AGBL1: variants seen among roughly 807,000 people sequenced by gnomAD.
The protein encoded by AGBL1 is cytosolic carboxypeptidase 4.
Under a neutral mutation model 118.9 loss-of-function variants are expected in AGBL1, and 130 were observed. The observed-to-expected ratio is 1.09, with a 90% CI of 0.95 to 1.26. The LOEUF (loss-of-function observed/expected upper bound fraction) is 1.26, where lower values mean the gene tolerates loss of function less well. AGBL1 is among the 50% of genes most tolerant of loss of function. The pLI is 0.00. For missense variants in AGBL1, 1,584 were observed against 1,298.1 expected (o/e 1.22, Z -3.38); for synonymous variants, 555 against 478.9 (o/e 1.16, Z -2.08).
chr15:86,384,724 T>A (rs981137379), intron 17 of AGBL1, among the ~76,000 whole-genome samples: 1 of 152,170 alleles, frequency 6.6e-6, no homozygotes, highest in African/African-American at 2.4e-5. Flanking sequence ...AGGAATAGAT[T>A]TGCTGATTTT....
At chr15:86,333,236 T>C (rs967571001) in intron 17 of AGBL1, among the ~76,000 whole-genome samples, 1 of 152,154 alleles carries the variant, frequency 6.6e-6, no homozygotes, top group Admixed American at 6.5e-5. Context: ...AAAGAATTGA[T>C]GAAGCCCAAA....
At chr15:86,165,600 A>G (rs1002950954) in intron 5 of AGBL1, among the ~76,000 whole-genome samples, 2 of 152,156 alleles carry the variant, frequency 1.3e-5, no homozygotes, top group African/African-American at 4.8e-5. Context: ...GTTTCTTAAA[A>G]TAGTTACTGA....
At chr15:86,813,390 T>A (rs2078818263) in intron 22 of AGBL1, among the ~76,000 whole-genome samples, 1 of 152,204 alleles carries the variant, frequency 6.6e-6, no homozygotes, top group Non-Finnish European at 1.5e-5. Context: ...TAATAACATT[T>A]CTGAGCCAGA....
At chr15:86,138,559 T>C (rs148396003) in intron 1 of AGBL1, among the ~76,000 whole-genome samples, 2 of 152,382 alleles carry the variant, frequency 1.3e-5, no homozygotes, top group Admixed American at 1.3e-4. Context: ...GGAATGTAGA[T>C]GATTCCCAGT....
chr15:86,394,161 A>G (rs1172884956), intron 17 of AGBL1, among the ~76,000 whole-genome samples: 1 of 152,142 alleles, frequency 6.6e-6, no homozygotes, highest in African/African-American at 2.4e-5. Context: ...ATCTCATGTT[A>G]AAAATGGTGA....
At chr15:86,733,282 CAG>C (rs772091841) in intron 22 of AGBL1, among the ~76,000 whole-genome samples, 7 of 152,096 alleles carry the variant, frequency 4.6e-5, no homozygotes, top group Non-Finnish European at 8.8e-5. Context: ...GACCCAAAAA[CAG>C]AGAGTGTGAT....
intron 6 of AGBL1, among the ~76,000 whole-genome samples, chr15:86,236,783 G>A (rs978831745): frequency 2.6e-5 from 4 of 151,932 alleles, no homozygotes; most frequent in African/African-American, 7.3e-5. Flanking sequence ...CTGGAGGAGG[G>A]GGTATCTGAT....
At chr15:86,411,691 C>T (rs753139211) in intron 18 of AGBL1, among the ~76,000 whole-genome samples, 8 of 152,154 alleles carry the variant, frequency 5.3e-5, no homozygotes, top group African/African-American at 7.2e-5. Flanking sequence ...CCCTCTGGTC[C>T]GATAACTAAT....
At position 86,761,352 on chromosome 15, in the gene AGBL1, C is replaced by T. The variant is rs183522445; in HGVS notation, c.3158+86916C>T. 5.3e-5 allele frequency among the ~76,000 whole-genome samples: 8 copies of T among 152,138 alleles called. No homozygotes were observed. The East Asian group carries it at 1.4e-3, about 26-fold the overall frequency. On this transcript the variant is annotated intron_variant, in intron 22 of 22. Transcript: ENST00000614907. ...GGATTTAATTTTACTGGTGAAAAACCTAGTGCTAGTGATTGTGTTTCTGAA... is the reference window on the plus strand; with the variant it reads ...GGATTTAATTTTACTGGTGAAAAACTTAGTGCTAGTGATTGTGTTTCTGAA...
At chr15:86,302,853 G>A (rs1420958053) in intron 17 of AGBL1, among the ~76,000 whole-genome samples, 1 of 151,966 alleles carries the variant, frequency 6.6e-6, no homozygotes, top group Non-Finnish European at 1.5e-5. Context: ...TGAGTATGGG[G>A]ACAGCAGATA....
chr15:86,844,708 T>C (rs2079294145), intron 22 of AGBL1, among the ~76,000 whole-genome samples: 1 of 152,160 alleles, frequency 6.6e-6, no homozygotes, highest in Non-Finnish European at 1.5e-5. Flanking sequence ...CATGTTTAAT[T>C]TTGATGGCAT....
intron 18 of AGBL1, among the ~76,000 whole-genome samples, chr15:86,461,152 G>C (rs918327102): frequency 6.6e-6 from 1 of 152,098 alleles, no homozygotes; most frequent in African/African-American, 2.4e-5. Flanking sequence ...CTATAGCCTG[G>C]GATCAGGGAC....
intron 24 of AGBL1, among the ~76,000 whole-genome samples, chr15:86,989,408 TATG>T (rs1222804987): frequency 6.6e-6 from 1 of 152,186 alleles, no homozygotes; most frequent in African/African-American, 2.4e-5. Context: ...CTAGTCTATG[TATG>T]ATAAGGATTT....
At chr15:86,275,777 A>T (rs1189768105) in intron 15 of AGBL1, among the ~76,000 whole-genome samples, 2 of 152,222 alleles carry the variant, frequency 1.3e-5, no homozygotes, top group African/African-American at 4.8e-5. Context: ...GGATCCAGCT[A>T]ATCTTCAAGA....
chr15:86,141,897 C>G, intron 1 of AGBL1, 107 bp from the exon 2 acceptor site: 1 of 1,152,516 alleles, frequency 8.7e-7, no homozygotes, highest in Non-Finnish European at 1.2e-6. Context: ...TGTAGTTAAT[C>G]TTTCTCCATG....
chr15:86,308,404 G>C (rs2079872306), intron 17 of AGBL1, among the ~76,000 whole-genome samples: 1 of 152,144 alleles, frequency 6.6e-6, no homozygotes, highest in South Asian at 2.1e-4. Flanking sequence ...AGAAGATGTG[G>C]CCATCTACAA....
intron 21 of AGBL1, among the ~76,000 whole-genome samples, chr15:86,578,323 C>A (rs2084123122): frequency 6.6e-6 from 1 of 152,188 alleles, no homozygotes; most frequent in African/African-American, 2.4e-5. Flanking sequence ...TGGCCAATTT[C>A]TCCCATTTAG....
intron 22 of AGBL1, among the ~76,000 whole-genome samples, chr15:86,684,475 C>G (rs4887497): frequency 2.7e-5 from 3 of 109,650 alleles, no homozygotes; most frequent in Admixed American, 2.7e-4. Flanking sequence ...TTTTTTTTTT[C>G]TTTTTTCTCT....
chr15:86,312,348 C>T (rs932724889), intron 17 of AGBL1: 8 of 152,194 alleles, frequency 5.3e-5, no homozygotes, highest in Non-Finnish European at 7.3e-5. Flanking sequence ...AGCAGCCTCT[C>T]GAGGCGGTAG....
Sources: gnomAD v4.1 joint callset for allele counts (sites outside exome capture counted in the v4.1 genomes callset) on GRCh38, gnomAD v4.1.1 for gene constraint, MANE v1.5 for transcripts, NCBI Gene and HGNC (gene_info 2026-07-23, HGNC 2026-07-21) for gene names.